Variants in IRAG2 observed in about 807,000 individuals in gnomAD.
The protein encoded by IRAG2 is lymphoid restricted membrane protein.
Under a neutral mutation model 69.9 loss-of-function variants are expected in IRAG2, and 45 were observed. The observed-to-expected ratio is 0.64, with a 90% confidence interval of 0.51 to 0.83. The LOEUF (loss-of-function observed/expected upper bound fraction) is 0.83. IRAG2 is among the 40% of genes least tolerant of loss of function. IRAG2 has a pLI of 0.00. For missense variants in IRAG2, 520 were observed against 587.0 expected (o/e 0.89, Z 1.18); for synonymous variants, 193 against 202.4 (o/e 0.95, Z 0.40).
chr12:25,012,865 A>G (rs1487190175), intron 3 of IRAG2, among the ~76,000 whole-genome samples: 1 of 152,220 alleles, frequency 6.6e-6, no homozygotes, highest in East Asian at 1.9e-4. Context: ...GGAAAAACTT[A>G]CCAGATTTCT....
intron 2 of IRAG2, among the ~76,000 whole-genome samples, chr12:25,061,894 G>A (rs185060844): frequency 5.7e-4 from 87 of 152,266 alleles, no homozygotes; most frequent in African/African-American, 2.1e-3. Context: ...AAGCATTTCA[G>A]AATTTTCTTT....
intron 15 of IRAG2, chr12:25,100,825 C>CTTT (rs5797118): frequency 6.1e-5 from 9 of 146,654 alleles, no homozygotes; most frequent in East Asian, 2.0e-4. Context: ...TGGACCTAAT[C>CTTT]TTTTTTTTTT....
At chr12:25,018,286 C>T (rs756703749) in intron 6 of IRAG2, among the ~76,000 whole-genome samples, 1 of 147,814 alleles carries the variant, frequency 6.8e-6, no homozygotes, top group Non-Finnish European at 1.5e-5. Context: ...ATGCAACCTC[C>T]GTCTCCTAGG....
At chr12:25,070,519 C>A (rs551837849) in intron 6 of IRAG2, among the ~76,000 whole-genome samples, 1 of 152,176 alleles carries the variant, frequency 6.6e-6, no homozygotes, top group Non-Finnish European at 1.5e-5. Context: ...ATACACACCA[C>A]ATTTTGTTTT....
chr12:25,084,592 A>G (rs1303272177), intron 10 of IRAG2, among the ~76,000 whole-genome samples: 1 of 151,742 alleles, frequency 6.6e-6, no homozygotes, highest in Non-Finnish European at 1.5e-5. Flanking sequence ...TCTTCTCAAT[A>G]TACAAGCATT....
intron 3 of IRAG2, 119 bp from the exon 4 acceptor site, chr12:25,063,601 C>G (rs1316930077): frequency 2.5e-6 from 1 of 396,874 alleles, no homozygotes; most frequent in South Asian, 1.4e-4. Flanking sequence ...TTCTTGATCT[C>G]TCTCACAGGG....
chr12:25,013,247 C>T (rs532626049), intron 3 of IRAG2, among the ~76,000 whole-genome samples: 2 of 152,264 alleles, frequency 1.3e-5, no homozygotes, highest in African/African-American at 2.4e-5. Flanking sequence ...AAGGCCAAGG[C>T]GGGAGCATCA....
chr12:25,101,917 C>A (rs73284778), intron 16 of IRAG2: 1 of 620,964 alleles, frequency 1.6e-6, no homozygotes, highest in South Asian at 1.5e-5. Flanking sequence ...CTGAACTGTA[C>A]TTTTGGATTC....
chr12:25,006,041 A>C (rs192934658), intron 2 of IRAG2, among the ~76,000 whole-genome samples: 2 of 152,236 alleles, frequency 1.3e-5, no homozygotes, highest in Admixed American at 6.5e-5. Context: ...CAAACAAAAA[A>C]TAACCTCATT....
chr12:25,082,644 A>AAAC (rs1227036664), intron 9 of IRAG2, among the ~76,000 whole-genome samples: 3 of 152,132 alleles, frequency 2.0e-5, no homozygotes, highest in East Asian at 1.9e-4. Flanking sequence ...AAACAAAACA[A>AAAC]AAAACCTAAA....
intron 14 of IRAG2, chr12:25,092,633 A>G (rs1948148795): frequency 6.6e-6 from 1 of 151,450 alleles, no homozygotes; most frequent in Admixed American, 6.6e-5. Flanking sequence ...TAATCTTTCT[A>G]TAGGCATATT....
At chr12:25,013,874 T>TTC (rs1944498551) in intron 3 of IRAG2, among the ~76,000 whole-genome samples, 1 of 122,262 alleles carries the variant, frequency 8.2e-6, no homozygotes, top group Non-Finnish European at 1.7e-5. Flanking sequence ...TTCTTTTTTT[T>TTC]TTTTTTTTTT....
At chr12:25,097,066 A>G (rs1176651233) in intron 15 of IRAG2, 22 bp downstream of exon 15, 1 of 1,568,934 alleles carries the variant, frequency 6.4e-7, no homozygotes, top group South Asian at 1.2e-5. Context: ...TCATTTCTCT[A>G]GTTAGAATGA....
chr12:25,063,882 A>T (rs1945792568), intron 4 of IRAG2, 66 bp downstream of exon 4: 1 of 398,740 alleles, frequency 2.5e-6, no homozygotes, highest in African/African-American at 2.1e-5. Flanking sequence ...AAGGGAAAAT[A>T]ACTAGTTATT....
At chr12:25,012,143 CCTTTTTTTTT>C (rs1488317843) in intron 3 of IRAG2, among the ~76,000 whole-genome samples, 21 of 24,100 alleles carry the variant, frequency 8.7e-4, no homozygotes, top group Admixed American at 4.0e-3. Flanking sequence ...AAGCGAATTC[CCTTTTTTTTT>C]TTTTTTTTTT....
chr12:25,014,388 GAGTTC>G (rs1243703044), intron 3 of IRAG2, among the ~76,000 whole-genome samples: 5 of 152,174 alleles, frequency 3.3e-5, no homozygotes, highest in Non-Finnish European at 5.9e-5. Flanking sequence ...AACTCTGTGT[GAGTTC>G]TTTCATTCCC....
chr12:25,042,826 C>T (rs1260748141), intron 16 of IRAG2, among the ~76,000 whole-genome samples: 7 of 151,784 alleles, frequency 4.6e-5, no homozygotes, highest in Admixed American at 3.3e-4. Context: ...TCATAAAACA[C>T]GTTGTTATAT....
upstream of IRAG2, among the ~76,000 whole-genome samples, chr12:25,050,531 AAAAACAAACAAACAAACAAAC>A (rs1390613933): frequency 1.4e-4 from 7 of 49,132 alleles, 1 homozygote; most frequent in Non-Finnish European, 4.4e-4. Context: ...CCGTCTCAAA[AAAAACAAACAAACAAACAAAC>A]AAAAAAAAAC....
intron 3 of IRAG2, among the ~76,000 whole-genome samples, chr12:25,014,853 C>T (rs1041301582): frequency 1.3e-5 from 2 of 151,678 alleles, no homozygotes; most frequent in Non-Finnish European, 2.9e-5. Context: ...CCCACATCTC[C>T]TAATCATACG....
Sources: allele counts gnomAD v4.1 joint callset (sites outside exome capture counted in the v4.1 genomes callset), GRCh38; gene constraint gnomAD v4.1.1; transcripts MANE v1.5; gene names NCBI Gene and HGNC (gene_info 2026-07-23, HGNC 2026-07-21).